CDH13: variants seen among roughly 807,000 people sequenced by gnomAD.
The protein encoded by CDH13 is cadherin-13.
CDH13 carries 24 observed loss-of-function variants against 63.8 expected under a neutral mutation model. The observed-to-expected ratio is 0.38, with a 90% CI of 0.27 to 0.53. CDH13 has a LOEUF of 0.53. Ranked by LOEUF, CDH13 falls within the 20% of genes least tolerant of loss-of-function variation. CDH13 has a pLI of 0.85. For synonymous variants in CDH13, 503 were observed against 355.3 expected, an observed-to-expected ratio of 1.42 and a Z score of -4.67; for missense variants, 1,049 against 903.1, an observed-to-expected ratio of 1.16 and a Z score of -2.07.
intron 1 of CDH13, among the ~76,000 whole-genome samples, chr16:82,638,000 A>C (rs1001854016): frequency 6.6e-6 from 1 of 152,220 alleles, no homozygotes; most frequent in Non-Finnish European, 1.5e-5. Flanking sequence ...AAATAATTAC[A>C]AATGTGGTAA....
At chr16:83,782,439 A>G (rs1180057700) in intron 12 of CDH13, among the ~76,000 whole-genome samples, 2 of 152,150 alleles carry the variant, frequency 1.3e-5, no homozygotes, top group African/African-American at 4.8e-5. Flanking sequence ...GATTGATCAA[A>G]AAAAACAAAA....
intron 3 of CDH13, among the ~76,000 whole-genome samples, chr16:83,063,059 T>C (rs1428034689): frequency 6.6e-6 from 1 of 151,544 alleles, no homozygotes; most frequent in Non-Finnish European, 1.5e-5. Context: ...ACTTCCAGGT[T>C]CAAGTGAGTC....
At chr16:83,652,399 C>G (rs1423512091) in intron 8 of CDH13, among the ~76,000 whole-genome samples, 1 of 152,146 alleles carries the variant, frequency 6.6e-6, no homozygotes, top group African/African-American at 2.4e-5. Flanking sequence ...TAGACATGTG[C>G]TTTCTCCAGT....
At chr16:82,682,442 A>G (rs1463936408) in intron 1 of CDH13, among the ~76,000 whole-genome samples, 4 of 152,244 alleles carry the variant, frequency 2.6e-5, no homozygotes, top group Non-Finnish European at 5.9e-5. Flanking sequence ...GCATCTGGTC[A>G]GTATTTCAAC....
intron 3 of CDH13, among the ~76,000 whole-genome samples, chr16:83,108,010 A>G (rs1367710247): frequency 6.6e-6 from 1 of 151,878 alleles, no homozygotes; most frequent in Admixed American, 6.6e-5. Flanking sequence ...TTTAGTAGAG[A>G]CGGGGTTTCA....
At chr16:82,713,548 G>A (rs1284435207) in intron 1 of CDH13, among the ~76,000 whole-genome samples, 1 of 152,076 alleles carries the variant, frequency 6.6e-6, no homozygotes, top group Non-Finnish European at 1.5e-5. Context: ...TGGCAGGGTG[G>A]TCAAGAGTAC....
chr16:82,962,111 CTT>C (rs1278385691), intron 2 of CDH13, among the ~76,000 whole-genome samples: 1 of 152,216 alleles, frequency 6.6e-6, no homozygotes, highest in Non-Finnish European at 1.5e-5. Context: ...GCAAAAGAGT[CTT>C]TGCAGAGGTA....
At chr16:83,031,095 C>T (rs139589494) in intron 2 of CDH13, among the ~76,000 whole-genome samples, 10 of 149,820 alleles carry the variant, frequency 6.7e-5, no homozygotes, top group South Asian at 2.1e-4. Context: ...ATGGTGCATG[C>T]GTATGTGTAC....
At chr16:83,118,749 A>G (rs891599702) in intron 3 of CDH13, among the ~76,000 whole-genome samples, 18 of 151,914 alleles carry the variant, frequency 1.2e-4, no homozygotes, top group African/African-American at 4.4e-4. Context: ...TTTACAGATG[A>G]GAAAATTTCC....
At chr16:83,761,396 A>T (rs1173575686) in intron 11 of CDH13, among the ~76,000 whole-genome samples, 1 of 152,218 alleles carries the variant, frequency 6.6e-6, no homozygotes, top group East Asian at 1.9e-4. Flanking sequence ...CATTTCACTG[A>T]GTTTAGTTGA....
intron 5 of CDH13, among the ~76,000 whole-genome samples, chr16:83,306,868 G>T (rs184710001): frequency 6.6e-6 from 1 of 152,110 alleles, no homozygotes; most frequent in Admixed American, 6.5e-5. Context: ...CCAGTCTCAG[G>T]TATACTTATA....
chr16:83,241,579 T>G (rs1904454115), intron 5 of CDH13, among the ~76,000 whole-genome samples: 1 of 152,226 alleles, frequency 6.6e-6, no homozygotes, highest in Non-Finnish European at 1.5e-5. Context: ...TCTTTTAGGA[T>G]TAGTGATGTT....
chr16:83,276,702 C>G (rs1256411374), intron 5 of CDH13, among the ~76,000 whole-genome samples: 1 of 151,992 alleles, frequency 6.6e-6, no homozygotes. Context: ...AACCCTGTCT[C>G]TACTAAAAAT....
At chr16:83,041,275 G>A (rs1051657362) in intron 3 of CDH13, among the ~76,000 whole-genome samples, 3 of 152,112 alleles carry the variant, frequency 2.0e-5, no homozygotes, top group African/African-American at 7.2e-5. Flanking sequence ...TATGACAGAA[G>A]CTGAAAAGGC....
chr16:82,784,658 T>C (rs2035918292), intron 1 of CDH13, among the ~76,000 whole-genome samples: 1 of 152,036 alleles, frequency 6.6e-6, no homozygotes, highest in Admixed American at 6.6e-5. Context: ...ATAAGGGTCA[T>C]AGGGGAAAAC....
Position 82,870,376 on chromosome 16 carries a change from A to G in CDH13, c.157+11903A>G, listed in dbSNP as rs562006075. On this transcript the variant is annotated intron_variant, in intron 2 of 13. Transcript: ENST00000567109. ...TCATACACTGTTGGTGGGAATGTAA[A>G]TTATTACAGCCACTATGCAGAACAC... 7.9e-4 allele frequency among the ~76,000 whole-genome samples: 121 copies of G among 152,240 alleles called. 1 individual carries two copies. The highest frequency in any genetic ancestry group is 6.8e-3 in the Middle Eastern group (2 of 294).
chr16:82,689,689 A>G (rs1915442436), intron 1 of CDH13, among the ~76,000 whole-genome samples: 1 of 152,102 alleles, frequency 6.6e-6, no homozygotes, highest in Non-Finnish European at 1.5e-5. Flanking sequence ...GTTTCTGTAA[A>G]GTATTGTAAA....
At chr16:83,286,771 T>TAG (rs2089326303) in intron 5 of CDH13, among the ~76,000 whole-genome samples, 1 of 37,752 alleles carries the variant, frequency 2.6e-5, no homozygotes, top group Admixed American at 4.1e-4. Flanking sequence ...AAAAAAAATG[T>TAG]ATATATATAT....
intron 10 of CDH13, among the ~76,000 whole-genome samples, chr16:83,700,725 T>C (rs930349694): frequency 2.6e-5 from 4 of 152,188 alleles, no homozygotes; most frequent in South Asian, 2.1e-4. Context: ...CATAAAGAAG[T>C]AAATTAAAAA....
Sources: gnomAD v4.1 joint callset for allele counts (sites outside exome capture counted in the v4.1 genomes callset) on GRCh38, gnomAD v4.1.1 for gene constraint, MANE v1.5 for transcripts, NCBI Gene and HGNC (gene_info 2026-07-23, HGNC 2026-07-21) for gene names.